CECR2: variants seen among roughly 807,000 people sequenced by gnomAD.
CECR2 encodes chromatin remodeling regulator CECR2.
CECR2 carries 30 observed loss-of-function variants against 154.5 expected under a neutral mutation model. The observed-to-expected ratio is 0.19, with a 90% confidence interval of 0.15 to 0.26. The LOEUF (loss-of-function observed/expected upper bound fraction) is 0.26, where lower values mean the gene tolerates loss of function less well. CECR2 is among the 10% of genes least tolerant of loss of function. The pLI, the probability that CECR2 is intolerant of heterozygous loss-of-function variation, is 1.00. For synonymous variants in CECR2, 725 were observed against 683.7 expected, an observed-to-expected ratio of 1.06 and a Z score of -0.94; for missense variants, 1,743 against 1,829.3, an observed-to-expected ratio of 0.95 and a Z score of 0.86.
At chr22:17,435,054 G>A (rs903724233) in intron 1 of CECR2, among the ~76,000 whole-genome samples, 1 of 152,184 alleles carries the variant, frequency 6.6e-6, no homozygotes, top group African/African-American at 2.4e-5. Flanking sequence ...CAGTTAATGA[G>A]TTGGAGGATC....
intron 9 of CECR2, among the ~76,000 whole-genome samples, chr22:17,526,665 C>T (rs538130308): frequency 2.4e-3 from 363 of 151,994 alleles, no homozygotes; most frequent in Admixed American, 3.3e-3. Flanking sequence ...AAAAATTAGC[C>T]GGGCACGGTG....
chr22:17,525,312 A>AAAAAAAAAAAAAAAAG (rs2056243144), intron 9 of CECR2, among the ~76,000 whole-genome samples: 1 of 145,476 alleles, frequency 6.9e-6, no homozygotes, highest in African/African-American at 2.5e-5. Flanking sequence ...AAAAAAAAAA[A>AAAAAAAAAAAAAAAAG]AAAGAAAGGA....
At position 17,527,124 on chromosome 22, in the gene CECR2, G is replaced by A. The variant is rs555157974; in HGVS notation, c.1108+2853G>A. Reference sequence around the variant, plus strand: ...GTCTAATAATCGGATATTAAAATGGGCAAAATATTTGAATAGAGATTTCTC... The same window carrying A: ...GTCTAATAATCGGATATTAAAATGGACAAAATATTTGAATAGAGATTTCTC... On this transcript the variant is annotated intron_variant, in intron 9 of 18. Transcript: ENST00000262608. Among the ~76,000 whole-genome samples the A allele has an allele frequency of 2.0e-5, 3 of 152,284 alleles. No homozygotes were observed. In the South Asian group the frequency reaches 6.2e-4, roughly 32 times the overall value.
intron 9 of CECR2, among the ~76,000 whole-genome samples, chr22:17,534,550 C>A (rs1189423033): frequency 6.6e-6 from 1 of 151,752 alleles, no homozygotes; most frequent in African/African-American, 2.4e-5. Flanking sequence ...CTCTGTCGCC[C>A]AGGCTGGAGT....
intron 18 of CECR2, 61 bp from the exon 19 acceptor site, chr22:17,552,774 G>GTTTTTTTTT (rs695569): frequency 0.013 from 11,883 of 934,992 alleles, 63 homozygotes; most frequent in East Asian, 0.022. Flanking sequence ...GCTTACTTAA[G>GTTTTTTTTT]TTTTTTTTTT....
At chr22:17,533,688 C>A (rs2056394149) in intron 9 of CECR2, among the ~76,000 whole-genome samples, 1 of 148,670 alleles carries the variant, frequency 6.7e-6, no homozygotes, top group African/African-American at 2.5e-5. Flanking sequence ...TATAAAAGAG[C>A]AAAGGGCCTT....
At position 17,554,608 on chromosome 22, in the gene CECR2, TGA is replaced by T. The variant is rs2146171662; in HGVS notation, c.*1772_*1773del. ...CTGCTGCCTAGGGCTCAGGCAGATTTGAGAGTTGAGTAGGGAACACAGGTGCC... is the reference window on the plus strand; with the variant it reads ...CTGCTGCCTAGGGCTCAGGCAGATTTGAGTTGAGTAGGGAACACAGGTGCC... On this transcript the variant is annotated 3_prime_UTR_variant, in exon 19 of 19. Transcript: ENST00000262608. 1 of 152,310 alleles carries T rather than the reference TGA, an allele frequency of 6.6e-6. No individual in the cohort carries two copies. The highest frequency in any genetic ancestry group is 2.4e-5 in the African/African-American group (1 of 41,566). 9.4% of individuals were successfully genotyped at this position (152,310 alleles called of 1,614,324 possible). A position where few individuals can be genotyped will look rare whatever the true frequency, so the allele number is the denominator to read the frequency against.
chr22:17,531,143 C>T (rs139872710), intron 9 of CECR2, among the ~76,000 whole-genome samples: 1 of 152,154 alleles, frequency 6.6e-6, no homozygotes, highest in Middle Eastern at 3.2e-3. Context: ...CAAAACTACA[C>T]TAGCTACTTC....
At chr22:17,530,387 A>T (rs2056335891) in intron 9 of CECR2, among the ~76,000 whole-genome samples, 1 of 152,000 alleles carries the variant, frequency 6.6e-6, no homozygotes, top group Admixed American at 6.6e-5. Context: ...AGAAAAAAAA[A>T]ATAAGGCCAG....
rs552270937 is a variant in CECR2, at chr22:17,487,514, G to A, written c.221+9832G>A. On this transcript the variant is annotated intron_variant, in intron 2 of 18. Coordinates refer to ENST00000262608, the MANE Select transcript of CECR2 (RefSeq NM_001290047.2). Reference sequence around the variant, plus strand: ...GGAGATAGAGACCATCCTGGCTAACGCGGTGAAACCCCGTCTGTACTTAAA... The same window carrying A: ...GGAGATAGAGACCATCCTGGCTAACACGGTGAAACCCCGTCTGTACTTAAA... 3.3e-5 allele frequency among the ~76,000 whole-genome samples: 5 copies of A among 152,188 alleles called. No homozygotes were observed. The East Asian group carries it at 5.8e-4, about 18-fold the overall frequency.
rs2056656069 is a variant in CECR2 at position 17,548,742 on chromosome 22, C to T, written c.3455C>T (p.Ala1152Val). ...CCTGTGATGGGAGGGAAGTCCCCAG[C>T]ATCCCATCCCCAGCATTTTCCCCCA... is the stretch of plus-strand genomic sequence containing the variant. ...VGPVMGGKSP[A>V]SHPQHFPPRG... The change falls in exon 17 of 19, where the codon GCA becomes GTA. Residue 1152 changes from alanine (A) to valine (V), a missense_variant. Around this residue, in one of 4 missense-constraint regions of CECR2, gnomAD observed 1,250 missense variants for 1,192.1 expected, o/e 1.05. Transcript: ENST00000262608. 2 of 1,613,810 alleles carry T rather than the reference C, an allele frequency of 1.2e-6. No homozygotes were observed. The highest frequency in any genetic ancestry group is 4.5e-5 in the East Asian group (2 of 44,880).
At chr22:17,369,972 G>C (rs1344660181) in intron 1 of CECR2, 63 bp downstream of exon 1, 3 of 151,454 alleles carry the variant, frequency 2.0e-5, no homozygotes, top group Non-Finnish European at 4.4e-5. Flanking sequence ...CCCCGCGCGG[G>C]GTGTCCCGGG....
chr22:17,535,814 T>G (rs2056429469), intron 9 of CECR2, among the ~76,000 whole-genome samples: 1 of 152,126 alleles, frequency 6.6e-6, no homozygotes, highest in Non-Finnish European at 1.5e-5. Context: ...AAAGGAGATA[T>G]AGATTAGCAT....
intron 5 of CECR2, among the ~76,000 whole-genome samples, chr22:17,501,167 G>A (rs1291216872): frequency 2.0e-5 from 3 of 152,100 alleles, no homozygotes; most frequent in Non-Finnish European, 4.4e-5. Flanking sequence ...TTAAGGATCA[G>A]CTCTATCACT....
chr22:17,540,549 G>T lies in CECR2; in HGVS notation c.1633G>T (p.Ala545Ser). Residue 545 changes from alanine to serine, a missense_variant, in exon 14 of 19, where the codon GCT (alanine) becomes TCT (serine). By Grantham distance (99) the Ala-to-Ser change is moderately conservative (BLOSUM62 1). This residue lies in a region of CECR2 where 103 missense variants were observed against 166.8 expected (regional missense o/e 0.62). Transcript: ENST00000262608. ...DEKREKRRSR[A>S]GRSGGSHVWT... ...AAAGCGGGAGAAAAGACGGAGTCGG[G>T]CTGGGCGAAGTGGTGGGAGCCATGT... The T allele has an allele frequency of 6.2e-7, 1 of 1,612,656 alleles. No homozygotes were observed. The highest frequency in any genetic ancestry group is 1.3e-5 in the African/African-American group (1 of 75,044).
intron 1 of CECR2, among the ~76,000 whole-genome samples, chr22:17,405,594 C>T (rs897803609): frequency 8.9e-5 from 12 of 134,608 alleles, no homozygotes; most frequent in Non-Finnish European, 1.4e-4. Flanking sequence ...GAGCCGAGAT[C>T]GTGCCACTGC....
upstream of CECR2, among the ~76,000 whole-genome samples, chr22:17,368,531 C>T (rs1308347244): frequency 6.6e-6 from 1 of 152,136 alleles, no homozygotes; most frequent in Non-Finnish European, 1.5e-5. Flanking sequence ...TACTCCACCG[C>T]GCTACAGCAG....
chr22:17,421,825 G>C (rs1465280018), intron 1 of CECR2, among the ~76,000 whole-genome samples: 50 of 149,510 alleles, frequency 3.3e-4, no homozygotes, highest in Non-Finnish European at 7.4e-5. Context: ...GGGTCAGTTA[G>C]GCTCTGATAA....
chr22:17,495,352 T>C (rs112735067), intron 2 of CECR2, among the ~76,000 whole-genome samples: 261 of 151,978 alleles, frequency 1.7e-3, no homozygotes, highest in African/African-American at 6.0e-3. Flanking sequence ...GCGGATCACC[T>C]GAGGTCAGGA....
Sources: gnomAD v4.1 joint callset for allele counts (sites outside exome capture counted in the v4.1 genomes callset) on GRCh38, gnomAD v4.1.1 for gene constraint, gnomAD v4.1.1 regional missense constraint, MANE v1.5 for transcripts, NCBI Gene and HGNC (gene_info 2026-07-23, HGNC 2026-07-21) for gene names.